Variants in HS6ST3 observed in about 807,000 individuals in gnomAD.
HS6ST3 encodes heparan-sulfate 6-O-sulfotransferase 3.
In HS6ST3, 12 loss-of-function variants were observed where a neutral mutation model predicts 36.7. The observed-to-expected ratio is 0.33, with a 90% CI of 0.21 to 0.53. HS6ST3 has a LOEUF of 0.53. Ranked by LOEUF, HS6ST3 falls within the 20% of genes least tolerant of loss-of-function variation. The pLI is 0.95. For missense variants in HS6ST3, 584 were observed against 640.9 expected, an observed-to-expected ratio of 0.91 and a Z score of 0.96; for synonymous variants, 240 against 257.5, an observed-to-expected ratio of 0.93 and a Z score of 0.65.
chr13:96,300,509 T>A (rs1308169890), intron 1 of HS6ST3, among the ~76,000 whole-genome samples: 2 of 152,094 alleles, frequency 1.3e-5, no homozygotes, highest in Non-Finnish European at 2.9e-5. Context: ...TGGGCGGTGA[T>A]ACAGAGCCAA....
chr13:96,535,915 T>C (rs2138938310), intron 1 of HS6ST3, among the ~76,000 whole-genome samples: 1 of 152,304 alleles, frequency 6.6e-6, no homozygotes, highest in Non-Finnish European at 1.5e-5. Context: ...ACTGATTGAC[T>C]TGCTGGAATA....
chr13:96,172,255 C>G (rs929923838), intron 1 of HS6ST3, among the ~76,000 whole-genome samples: 7 of 152,204 alleles, frequency 4.6e-5, no homozygotes, highest in African/African-American at 1.7e-4. Flanking sequence ...ATCACTTCAA[C>G]TGCCAAAACC....
chr13:96,640,858 C>T (rs574455834), intron 1 of HS6ST3, among the ~76,000 whole-genome samples: 5 of 151,774 alleles, frequency 3.3e-5, no homozygotes, highest in South Asian at 2.1e-4. Context: ...TTTAGATGGG[C>T]GTAGGTGTGT....
At chr13:96,670,300 A>G (rs577473529) in intron 1 of HS6ST3, among the ~76,000 whole-genome samples, 1 of 152,240 alleles carries the variant, frequency 6.6e-6, no homozygotes, top group African/African-American at 2.4e-5. Context: ...TTAGTAGGTA[A>G]TAGGGACAAA....
chr13:96,184,484 T>A (rs1218244311), intron 1 of HS6ST3, among the ~76,000 whole-genome samples: 1 of 152,180 alleles, frequency 6.6e-6, no homozygotes, highest in East Asian at 1.9e-4. Context: ...ACCCCCAGAA[T>A]GTATCTCTAC....
chr13:96,692,683 G>T (rs1379976463), intron 1 of HS6ST3, among the ~76,000 whole-genome samples: 1 of 152,132 alleles, frequency 6.6e-6, no homozygotes, highest in African/African-American at 2.4e-5. Flanking sequence ...GGGGATAGCG[G>T]ATGTTCATTT....
chr13:96,344,373 G>A (rs915350093), intron 1 of HS6ST3, among the ~76,000 whole-genome samples: 2 of 152,228 alleles, frequency 1.3e-5, no homozygotes, highest in Non-Finnish European at 2.9e-5. Flanking sequence ...TCTTCTGTGA[G>A]ATAAGTATAG....
At chr13:96,642,243 C>T (rs1285161295) in intron 1 of HS6ST3, among the ~76,000 whole-genome samples, 4 of 151,850 alleles carry the variant, frequency 2.6e-5, no homozygotes, top group Non-Finnish European at 5.9e-5. Context: ...GAGAAATCAT[C>T]TGTTAATCTT....
intron 1 of HS6ST3, among the ~76,000 whole-genome samples, chr13:96,325,723 G>C (rs370912006): frequency 6.6e-6 from 1 of 152,142 alleles, no homozygotes. Flanking sequence ...TAATGACTGG[G>C]ACTATGAATG....
intron 1 of HS6ST3, among the ~76,000 whole-genome samples, chr13:96,551,529 G>A (rs1434618640): frequency 6.6e-6 from 1 of 152,118 alleles, no homozygotes; most frequent in Non-Finnish European, 1.5e-5. Context: ...TACTCTTGGG[G>A]GGTAGGTGGA....
At chr13:96,640,142 CA>C (rs1389911218) in intron 1 of HS6ST3, among the ~76,000 whole-genome samples, 1 of 151,932 alleles carries the variant, frequency 6.6e-6, no homozygotes, top group Non-Finnish European at 1.5e-5. Flanking sequence ...GAGAAATGTC[CA>C]AACTGCTTTC....
chr13:96,246,283 T>A (rs571015932), intron 1 of HS6ST3, among the ~76,000 whole-genome samples: 1 of 152,292 alleles, frequency 6.6e-6, no homozygotes, highest in African/African-American at 2.4e-5. Flanking sequence ...ATTCTCTTAC[T>A]TAGAATTCTT....
chr13:96,791,175 A>G (rs954855818), intron 1 of HS6ST3, among the ~76,000 whole-genome samples: 1 of 152,058 alleles, frequency 6.6e-6, no homozygotes, highest in African/African-American at 2.4e-5. Context: ...ACAGCAGCGA[A>G]TAATTTTTCC....
chr13:96,236,085 G>A (rs1016304340), intron 1 of HS6ST3, among the ~76,000 whole-genome samples: 6 of 152,288 alleles, frequency 3.9e-5, no homozygotes, highest in Non-Finnish European at 5.9e-5. Flanking sequence ...CTTGGAGTCC[G>A]ATGTTTGATG....
chr13:96,352,435 C>T (rs553359327), intron 1 of HS6ST3, among the ~76,000 whole-genome samples: 3 of 152,308 alleles, frequency 2.0e-5, no homozygotes, highest in South Asian at 4.1e-4. Flanking sequence ...GTGGGCCTTT[C>T]CAGAGGCCAC....
intron 1 of HS6ST3, among the ~76,000 whole-genome samples, chr13:96,709,107 TAGTG>T (rs1875499217): frequency 6.6e-6 from 1 of 152,136 alleles, no homozygotes; most frequent in Admixed American, 6.5e-5. Context: ...TGTCTTGTGA[TAGTG>T]AGTGAGTTCT....
chr13:96,528,198 T>C (rs1338416040), intron 1 of HS6ST3, among the ~76,000 whole-genome samples: 3 of 152,244 alleles, frequency 2.0e-5, no homozygotes, highest in Non-Finnish European at 4.4e-5. Context: ...ACCAGGGTGA[T>C]TGAATTGTAA....
At chr13:96,529,694 G>A (rs965526171) in intron 1 of HS6ST3, among the ~76,000 whole-genome samples, 1 of 152,086 alleles carries the variant, frequency 6.6e-6, no homozygotes, top group South Asian at 2.1e-4. Flanking sequence ...ATTCATTTAT[G>A]ATTTTTGCTT....
intron 1 of HS6ST3, among the ~76,000 whole-genome samples, chr13:96,492,563 G>A (rs774422879): frequency 3.9e-5 from 6 of 152,182 alleles, no homozygotes; most frequent in Admixed American, 1.3e-4. Flanking sequence ...CAGTGTCTGC[G>A]GATAGACAAT....
Sources: allele counts gnomAD v4.1 joint callset (sites outside exome capture counted in the v4.1 genomes callset), GRCh38; gene constraint gnomAD v4.1.1; transcripts MANE v1.5; gene names NCBI Gene and HGNC (gene_info 2026-07-23, HGNC 2026-07-21).